CFAP53: variants seen among roughly 807,000 people sequenced by gnomAD.
CFAP53 encodes the protein cilia- and flagella-associated protein 53.
A neutral mutation model predicts 59.7 loss-of-function variants in CFAP53; 62 were observed. The ratio of observed to expected loss-of-function variants is 1.04; its 90% CI spans 0.85 to 1.28. The LOEUF (loss-of-function observed/expected upper bound fraction) is 1.28. Ranked by LOEUF, CFAP53 falls within the 50% of genes most tolerant of loss-of-function variation. The pLI, the probability that CFAP53 is intolerant of heterozygous loss-of-function variation, is 0.00. For synonymous variants in CFAP53, 218 were observed against 205.7 expected, an observed-to-expected ratio of 1.06 and a Z score of -0.51; for missense variants, 629 against 615.6, an observed-to-expected ratio of 1.02 and a Z score of -0.23.
At chr18:50,248,254 A>G (rs2033764625) in intron 5 of CFAP53, among the ~76,000 whole-genome samples, 1 of 152,204 alleles carries the variant, frequency 6.6e-6, no homozygotes. Context: ...AGGGAAATGT[A>G]AATTAAACCA....
In CFAP53 at chr18:50,243,092, T is replaced by C. The variant is rs2033707829; in HGVS notation, c.1021A>G (p.Ile341Val). 2.5e-6 allele frequency: 4 copies of C among 1,612,224 alleles called. No homozygotes were observed. Among genetic ancestry groups the C allele is most frequent in the Non-Finnish European group, 3.4e-6 (4 of 1,178,882 alleles). The change falls in exon 6 of 8, where the codon ATA becomes GTA. Residue 341 changes from isoleucine to valine, a missense_variant. Transcript: ENST00000398545. ...CTCTGTGCCAAATATTTATGGTATA[T>C]CTTCTGTTCTCTTATCATATCTTCC... is the stretch of plus-strand genomic sequence containing the variant. The part of the protein sequence containing the change: ...KREDMIREQK[I>V]YHKYLAQRRE...
chr18:50,234,601 T>G (rs538619460), intron 7 of CFAP53, among the ~76,000 whole-genome samples: 1 of 152,338 alleles, frequency 6.6e-6, no homozygotes, highest in African/African-American at 2.4e-5. Context: ...GCTCTTCTTT[T>G]TGTGTGGATC....
Position 50,242,891 on chromosome 18 carries a change from G to C in CFAP53, c.1213+9C>G. On this transcript the variant is annotated intron_variant, in intron 6 of 7. Coordinates refer to ENST00000398545, the MANE Select transcript of CFAP53 (RefSeq NM_145020.5). ...CAAGCTATAATATAACTGTAATTCA[G>C]TTCCTTACACTTTTCTTGAACTTGA... The C allele has an allele frequency of 2.5e-6, 4 of 1,605,674 alleles. No homozygotes were observed. The highest frequency in any genetic ancestry group is 2.6e-6 in the Non-Finnish European group (3 of 1,174,324).
At chr18:50,250,235 AAAG>A (rs1347314129) in intron 5 of CFAP53, among the ~76,000 whole-genome samples, 4 of 141,842 alleles carry the variant, frequency 2.8e-5, no homozygotes, top group African/African-American at 5.3e-5. Context: ...AAAAAAAAAA[AAAG>A]AGAGAGAGAG....
At chr18:50,251,001 A>G (rs746330422) in intron 4 of CFAP53, 25 bp from the exon 5 acceptor site, 2 of 1,581,732 alleles carry the variant, frequency 1.3e-6, no homozygotes, top group South Asian at 2.2e-5. Flanking sequence ...TAATAAAGAT[A>G]ATGCATCAGT....
At chr18:50,241,455 G>C (rs1242370477) in intron 6 of CFAP53, among the ~76,000 whole-genome samples, 1 of 152,172 alleles carries the variant, frequency 6.6e-6, no homozygotes, top group Non-Finnish European at 1.5e-5. Flanking sequence ...TCATGATCAA[G>C]AGCATCATAG....
Position 50,227,595 on chromosome 18 carries a change from G to A in CFAP53, c.1331C>T (p.Ala444Val), listed in dbSNP as rs1305201619. Residue 444 changes from alanine (A) to valine (V), a missense_variant, in exon 8 of 8, where the codon GCC (alanine) becomes GTC (valine). Physicochemically the swap from Ala to Val is moderately conservative, Grantham distance 64 (BLOSUM62 0). Coordinates refer to ENST00000398545, the MANE Select transcript of CFAP53 (RefSeq NM_145020.5). The stretch of plus-strand genomic sequence containing the variant: ...CTGAAGTTGCTTCCTGTACTCCTGG[G>A]CTAAACGTTGGCGTCTAAAGTATTA... ...KENFARRQRL[A>V]QEYRKQLQMQ... The A allele has an allele frequency of 1.2e-6, 2 of 1,613,704 alleles. No individual in the cohort carries two copies. Among genetic ancestry groups the A allele is most frequent in the African/African-American group, 1.3e-5 (1 of 75,028 alleles).
chr18:50,252,356 A>T (rs1402589972), intron 3 of CFAP53, among the ~76,000 whole-genome samples: 1 of 151,934 alleles, frequency 6.6e-6, no homozygotes, highest in African/African-American at 2.4e-5. Context: ...CGCCCACCTC[A>T]GCCTCCCAAA....
intron 1 of CFAP53, 36 bp downstream of exon 1, chr18:50,266,300 A>G: frequency 6.2e-7 from 1 of 1,607,084 alleles, no homozygotes; most frequent in Non-Finnish European, 8.5e-7. Context: ...GAGATGGAGA[A>G]AGCTGTAGGG....
At position 50,262,259 on chromosome 18, in the gene CFAP53, G is replaced by T. The variant is rs367737325; in HGVS notation, c.70-40C>A. The T allele has an allele frequency of 2.0e-6, 3 of 1,513,404 alleles. No homozygotes were observed. The African/African-American group carries it at 4.1e-5, about 21-fold the overall frequency. 93.7% of individuals were successfully genotyped at this position (1,513,404 alleles called of 1,614,324 possible). ...CAACTATCACTTATAATAAGCCAAA[G>T]AATCAACTGCATATTTTCAATTAGT... is the stretch of plus-strand genomic sequence containing the variant. On this transcript the variant is annotated intron_variant, in intron 1 of 7. Transcript: ENST00000398545.
In CFAP53 at chr18:50,266,490, A is replaced by C. The variant is rs1304094214; in HGVS notation, c.-86T>G. 7.3e-7 allele frequency: 1 copy of C among 1,377,302 alleles called. No homozygotes were observed. Among genetic ancestry groups the C allele is most frequent in the Non-Finnish European group, 1.0e-6 (1 of 964,972 alleles). The allele number at this position is 1,377,302 out of a possible 1,614,324, so 85.3% of individuals were successfully genotyped here. Reference sequence around the variant, plus strand: ...TGCGGGACCCGCTTCCGCGACGCAGAAGTCTGGTTGCCATGGTGCGCCTCG... The same window carrying C: ...TGCGGGACCCGCTTCCGCGACGCAGCAGTCTGGTTGCCATGGTGCGCCTCG... On this transcript the variant is annotated 5_prime_UTR_variant, in exon 1 of 8. Coordinates refer to ENST00000398545, the MANE Select transcript of CFAP53 (RefSeq NM_145020.5).
rs2033704940 is a variant in CFAP53, at chr18:50,242,912, C to G, written c.1201G>C (p.Val401Leu). The change falls in exon 6 of 8, where the codon GTT becomes CTT. Residue 401 changes from valine to leucine, a missense_variant. Coordinates refer to ENST00000398545, the MANE Select transcript of CFAP53 (RefSeq NM_145020.5). ...TTCAGTTCCTTACACTTTTCTTGAA[C>G]TTGAAGTTTTCTTGTACACATGACC... ...DEVMCTRKLQVQEKLQREAKE... is the reference protein window; with the variant it reads ...DEVMCTRKLQLQEKLQREAKE... 1 of 1,612,896 alleles carries G rather than the reference C, an allele frequency of 6.2e-7. No homozygotes were observed. Among genetic ancestry groups the G allele is most frequent in the Non-Finnish European group, 8.5e-7 (1 of 1,179,822 alleles).
chr18:50,227,955 C>CTTTTTTTTTTTTTTTTTT (rs1191228047), intron 7 of CFAP53, among the ~76,000 whole-genome samples: 2 of 90,090 alleles, frequency 2.2e-5, no homozygotes, highest in East Asian at 3.8e-4. Flanking sequence ...AACTTTTCTC[C>CTTTTTTTTTTTTTTTTTT]TTTTTTTTTT....
intron 1 of CFAP53, among the ~76,000 whole-genome samples, 191 bp downstream of exon 1, chr18:50,266,145 G>A (rs779843156): frequency 2.0e-5 from 3 of 152,246 alleles, no homozygotes; most frequent in Non-Finnish European, 4.4e-5. Context: ...AGAGGGAGAT[G>A]AGTGGGTGAG....
intron 7 of CFAP53, among the ~76,000 whole-genome samples, chr18:50,235,874 C>T (rs1041200286): frequency 6.6e-6 from 1 of 152,200 alleles, no homozygotes; most frequent in African/African-American, 2.4e-5. Flanking sequence ...CTATACACCC[C>T]TGGTGGGCAA....
chr18:50,257,975 C>T (rs1357607176), intron 3 of CFAP53, among the ~76,000 whole-genome samples: 1 of 152,044 alleles, frequency 6.6e-6, no homozygotes, highest in African/African-American at 2.4e-5. Flanking sequence ...GCAGAGGTTG[C>T]GGGGAGCTGA....
chr18:50,256,658 A>G (rs1377998412), intron 3 of CFAP53, among the ~76,000 whole-genome samples: 1 of 152,012 alleles, frequency 6.6e-6, no homozygotes, highest in Non-Finnish European at 1.5e-5. Flanking sequence ...GGCCTCTAGT[A>G]AGAGGGTTGA....
At chr18:50,261,942 G>A in intron 2 of CFAP53, 48 bp downstream of exon 2, 1 of 1,448,828 alleles carries the variant, frequency 6.9e-7, no homozygotes. Flanking sequence ...CTCAAATTGT[G>A]GTTTTAGGAA....
intron 7 of CFAP53, among the ~76,000 whole-genome samples, chr18:50,236,795 A>G (rs2033638355): frequency 6.6e-6 from 1 of 152,212 alleles, no homozygotes; most frequent in Non-Finnish European, 1.5e-5. Context: ...CCGAGCAAGA[A>G]CTACCTAGGT....
Sources: allele counts gnomAD v4.1 joint callset (sites outside exome capture counted in the v4.1 genomes callset), GRCh38; gene constraint gnomAD v4.1.1; transcripts MANE v1.5; gene names NCBI Gene and HGNC (gene_info 2026-07-23, HGNC 2026-07-21).